Variants in TBKBP1 observed in about 807,000 individuals in gnomAD.
TBKBP1 encodes the protein TANK-binding kinase 1-binding protein 1.
Under a neutral mutation model 69.9 loss-of-function variants are expected in TBKBP1, and 47 were observed. The ratio of observed to expected loss-of-function variants is 0.67; its 90% CI spans 0.53 to 0.86. The LOEUF (loss-of-function observed/expected upper bound fraction) is 0.86, where lower values mean the gene tolerates loss of function less well. TBKBP1 is among the 40% of genes least tolerant of loss of function. The pLI is 0.00. For missense variants in TBKBP1, 831 were observed against 858.6 expected (o/e 0.97, Z 0.40); for synonymous variants, 418 against 390.3 (o/e 1.07, Z -0.84).
chr17:47,705,106 C>G lies in TBKBP1; in HGVS notation c.873-3288C>G, dbSNP rs1010744803. The stretch of plus-strand genomic sequence containing the variant: ...GGTGGTGATTCTCAGGGCTTCCAGG[C>G]CACTGCCAAGGTCCCCAGTCCCCTC... On this transcript the variant is annotated intron_variant, in intron 7 of 9. Coordinates refer to ENST00000578982, the MANE Select transcript of TBKBP1 (RefSeq NM_001394755.1). 2.6e-5 allele frequency among the ~76,000 whole-genome samples: 4 copies of G among 152,220 alleles called. No homozygotes were observed. In the East Asian group the frequency reaches 7.7e-4, roughly 29 times the overall value.
In TBKBP1 at chr17:47,710,548, G is replaced by C. The variant is rs968160342; in HGVS notation, c.1770G>C (p.Gln590His). Reference sequence around the variant, plus strand: ...ACATCCGCAGCTGCCCCCTCTGCCAGCTGGGTTTCCCTGTCGGGTACCCGG... The same window carrying C: ...ACATCCGCAGCTGCCCCCTCTGCCACCTGGGTTTCCCTGTCGGGTACCCGG... ...GSDIRSCPLCQLGFPVGYPDD... is the reference protein window; with the variant it reads ...GSDIRSCPLCHLGFPVGYPDD... Residue 590 changes from glutamine to histidine, a missense_variant, in exon 10 of 10, where the codon CAG becomes CAC. Coordinates refer to ENST00000578982, the MANE Select transcript of TBKBP1 (RefSeq NM_001394755.1). 6.2e-7 allele frequency: 1 copy of C among 1,612,492 alleles called. No homozygotes were observed. Among genetic ancestry groups the C allele is most frequent in the East Asian group, 2.2e-5 (1 of 44,838 alleles).
chr17:47,704,732 A>C (rs1227425933), intron 7 of TBKBP1, among the ~76,000 whole-genome samples: 1 of 152,148 alleles, frequency 6.6e-6, no homozygotes, highest in African/African-American at 2.4e-5. Context: ...GTGCTACATC[A>C]ACCCCACTCC....
intron 4 of TBKBP1, 71 bp from the exon 5 acceptor site, chr17:47,698,524 G>T: frequency 6.9e-7 from 1 of 1,457,684 alleles, no homozygotes; most frequent in Non-Finnish European, 9.2e-7. Context: ...GCTGTAGTCT[G>T]GGGTGATGAC....
Position 47,710,705 on chromosome 17 carries a change from C to T in TBKBP1, c.*79C>T. 6.5e-7 allele frequency: 1 copy of T among 1,534,534 alleles called. No individual in the cohort carries two copies. The highest frequency in any genetic ancestry group is 8.8e-7 in the Non-Finnish European group (1 of 1,131,252). Reference sequence around the variant, plus strand: ...CACTCACTTTGAATGCTGCATGAATCTCGTGGGGGGTCCCTGCCCTTGCGA... The same window carrying T: ...CACTCACTTTGAATGCTGCATGAATTTCGTGGGGGGTCCCTGCCCTTGCGA... On this transcript the variant is annotated 3_prime_UTR_variant, in exon 10 of 10. Transcript: ENST00000578982.
At position 47,708,302 on chromosome 17, in the gene TBKBP1, G is replaced by A. The variant is rs1320616711; in HGVS notation, c.873-92G>A. ...TGCGGGTGGGAGGGAGCATGGTGGG[G>A]CCAGATGCTGGGGTAGAGCCAGTTC... On this transcript the variant is annotated intron_variant, in intron 7 of 9. Transcript: ENST00000578982. This position sits in a 1 kb window ranked among gnomAD's most constrained non-coding sequence, Gnocchi z 4.4. The A allele has an allele frequency of 7.4e-7, 1 of 1,350,112 alleles. No homozygotes were observed. Among genetic ancestry groups the A allele is most frequent in the Non-Finnish European group, 1.0e-6 (1 of 962,658 alleles). The allele number at this position is 1,350,112 out of a possible 1,614,324, so 83.6% of individuals were successfully genotyped here.
At position 47,708,804 on chromosome 17, in the gene TBKBP1, T is replaced by TCCCCCGTGC; in HGVS notation, c.1082_1090dup (p.Pro361_Cys363dup). On this transcript the variant is annotated inframe_insertion, in exon 9 of 10. Transcript: ENST00000578982. The surrounding 1 kb of genome is among the most constrained non-coding windows in gnomAD (Gnocchi z 4.4). ...CCCCCTCCCCGCCTGCCCGAGCGGC[T>TCCCCCGTGC]CCCCCGTGCCCCCCGTGCCAGTCCC... The TCCCCCGTGC allele has an allele frequency of 3.0e-6, 2 of 662,346 alleles. No individual in the cohort carries two copies. The highest frequency in any genetic ancestry group is 3.5e-5 in the Admixed American group (1 of 28,812). 41.0% of individuals were successfully genotyped at this position (662,346 alleles called of 1,614,324 possible). A position where few individuals can be genotyped will look rare whatever the true frequency, so the allele number is the denominator to read the frequency against.
chr17:47,707,604 T>A (rs1219209052), intron 7 of TBKBP1, among the ~76,000 whole-genome samples: 1 of 152,238 alleles, frequency 6.6e-6, no homozygotes, highest in Non-Finnish European at 1.5e-5. Flanking sequence ...AAGTGCCTGG[T>A]GTGACTGGCA....
chr17:47,705,220 A>G (rs1436532934), intron 7 of TBKBP1, among the ~76,000 whole-genome samples: 1 of 152,152 alleles, frequency 6.6e-6, no homozygotes, highest in African/African-American at 2.4e-5. Flanking sequence ...CATGATGGTC[A>G]GTAGCCTGGA....
intron 7 of TBKBP1, among the ~76,000 whole-genome samples, chr17:47,705,140 C>T (rs1263715677): frequency 2.0e-5 from 3 of 152,216 alleles, no homozygotes; most frequent in Admixed American, 6.5e-5. Flanking sequence ...TCCTCCTCTT[C>T]GTCTTTCCCT....
chr17:47,697,235 G>C, intron 4 of TBKBP1, 42 bp downstream of exon 4: 2 of 1,547,356 alleles, frequency 1.3e-6, no homozygotes, highest in Non-Finnish European at 1.8e-6. Flanking sequence ...ATGTGTAGCT[G>C]GTTGTGTGTG....
chr17:47,701,674 G>A (rs2143298468), intron 7 of TBKBP1, among the ~76,000 whole-genome samples: 1 of 152,322 alleles, frequency 6.6e-6, no homozygotes, highest in African/African-American at 2.4e-5. Context: ...GAGGCGGTGG[G>A]TAGAAGCAGA....
intron 7 of TBKBP1, among the ~76,000 whole-genome samples, chr17:47,699,935 G>A (rs2031425591): frequency 6.6e-6 from 1 of 151,118 alleles, no homozygotes; most frequent in African/African-American, 2.4e-5. Flanking sequence ...CAATTCTCCT[G>A]CCTCAGCCTC....
chr17:47,700,122 G>GT (rs1329416842), intron 7 of TBKBP1, among the ~76,000 whole-genome samples: 3 of 151,298 alleles, frequency 2.0e-5, no homozygotes, highest in Non-Finnish European at 4.4e-5. Flanking sequence ...GAGTAGCTAG[G>GT]ACTACAGGCG....
At position 47,709,380 on chromosome 17, in the gene TBKBP1, C is replaced by T; in HGVS notation, c.1647C>T (p.Phe549=). Residue 549 remains phenylalanine (F), a synonymous_variant, in exon 9 of 10, where the codon TTC becomes TTT. Transcript: ENST00000578982. ...TIRCASFCAG[F]PIPESPAATA... ...GCTGCGCCTCCTTCTGCGCGGGCTT[C>T]CCCATCCCCGAGTCGCCCGCCGCCA... 6.5e-7 allele frequency: 1 copy of T among 1,531,282 alleles called. No individual in the cohort carries two copies. The highest frequency in any genetic ancestry group is 8.7e-7 in the Non-Finnish European group (1 of 1,146,128). The allele number at this position is 1,531,282 out of a possible 1,614,324, so 94.9% of individuals were successfully genotyped here. A position where few individuals can be genotyped will look rare whatever the true frequency, so the allele number is the denominator to read the frequency against.
rs748684186 is a variant in TBKBP1 at position 47,696,313 on chromosome 17, C to G, written c.201C>G (p.Arg67=). The change falls in exon 2 of 10, where the codon CGC becomes CGG. Residue 67 remains arginine (R), a synonymous_variant. Transcript: ENST00000578982. The stretch of plus-strand genomic sequence containing the variant: ...AGAGGGAGAACGCCACCCTCCGACG[C>G]CGCCTCAAAGTCTACGAGATCAAGG... ...GLERENATLR[R]RLKVYEIKYP... The G allele has an allele frequency of 1.2e-6, 2 of 1,613,182 alleles. No homozygotes were observed. The highest frequency in any genetic ancestry group is 2.2e-5 in the South Asian group (2 of 91,086).
rs1213333598 is a variant in TBKBP1, at chr17:47,709,017, ACCG to A, written c.1293_1295del (p.Pro434del). ...GCTGCCCGGCCCCGCAGCCCCGGCCACCGCCGCCGCCCCCGCCGGGCGAGAGGA... is the reference window on the plus strand; with the variant it reads ...GCTGCCCGGCCCCGCAGCCCCGGCCACCGCCGCCCCCGCCGGGCGAGAGGA... On this transcript the variant is annotated inframe_deletion, in exon 9 of 10. Transcript: ENST00000578982. 3.4e-6 allele frequency: 4 copies of A among 1,186,574 alleles called. No individual in the cohort carries two copies. In the South Asian group the frequency reaches 8.0e-5, roughly 24 times the overall value. 73.5% of individuals were successfully genotyped at this position (1,186,574 alleles called of 1,614,324 possible).
chr17:47,708,529 CA>C lies in TBKBP1; in HGVS notation c.991+18del. ...GGAGTGGCGGTGAGATGGGGCAGGG[CA>C]GGGGGAGGCAGCCGCGGGACCCGGG... On this transcript the variant is annotated intron_variant, in intron 8 of 9. Coordinates refer to ENST00000578982, the MANE Select transcript of TBKBP1 (RefSeq NM_001394755.1). The surrounding 1 kb of genome is among the most constrained non-coding windows in gnomAD (Gnocchi z 4.4). The C allele has an allele frequency of 6.2e-7, 1 of 1,611,508 alleles. No homozygotes were observed. Among genetic ancestry groups the C allele is most frequent in the Non-Finnish European group, 8.5e-7 (1 of 1,178,222 alleles).
chr17:47,698,891 C>T, intron 5 of TBKBP1, 116 bp downstream of exon 5: 1 of 1,052,022 alleles, frequency 9.5e-7, no homozygotes, highest in Non-Finnish European at 1.3e-6. Flanking sequence ...TCTCCATAAT[C>T]ATCCCATCCT....
chr17:47,699,012 GC>G (rs1483161763), intron 5 of TBKBP1, among the ~76,000 whole-genome samples: 19 of 151,780 alleles, frequency 1.3e-4, no homozygotes, highest in Admixed American at 3.3e-4. Context: ...AGCAGAGGGC[GC>G]CCCCACCCAG....
Sources: gnomAD v4.1 joint callset for allele counts (sites outside exome capture counted in the v4.1 genomes callset) on GRCh38, gnomAD v4.1.1 for gene constraint, Gnocchi (gnomAD v3.1) non-coding constraint, MANE v1.5 for transcripts, NCBI Gene and HGNC (gene_info 2026-07-23, HGNC 2026-07-21) for gene names.